NRXN3: variants seen among roughly 807,000 people sequenced by gnomAD.
The protein encoded by NRXN3 is neurexin 3.
Under a neutral mutation model 137.6 loss-of-function variants are expected in NRXN3, and 32 were observed. That is an observed-to-expected ratio of 0.23 (90% CI 0.18 to 0.31). The LOEUF is 0.31. Ranked by LOEUF, NRXN3 falls within the 10% of genes least tolerant of loss-of-function variation. The pLI, the probability that NRXN3 is intolerant of heterozygous loss-of-function variation, is 1.00. For missense variants in NRXN3, 1,574 were observed against 2,062.5 expected, an observed-to-expected ratio of 0.76 and a Z score of 4.59; for synonymous variants, 798 against 784.5, an observed-to-expected ratio of 1.02 and a Z score of -0.29.
At chr14:79,460,085 T>G (rs367794858) in intron 15 of NRXN3, among the ~76,000 whole-genome samples, 3 of 152,182 alleles carry the variant, frequency 2.0e-5, no homozygotes, top group East Asian at 1.9e-4. Context: ...GGTCATGATG[T>G]GTTTGTCAAA....
At chr14:79,756,946 T>A (rs1434144324) in intron 19 of NRXN3, among the ~76,000 whole-genome samples, 1 of 152,224 alleles carries the variant, frequency 6.6e-6, no homozygotes, top group Non-Finnish European at 1.5e-5. Context: ...TTTGTGCCTC[T>A]GCTGTATTCC....
chr14:79,338,198 T>G (rs973554522), intron 15 of NRXN3, among the ~76,000 whole-genome samples: 82 of 131,966 alleles, frequency 6.2e-4, no homozygotes, highest in East Asian at 4.2e-4. Flanking sequence ...GCAGCCGGGG[T>G]GTGTGTGTGT....
chr14:79,242,257 T>G (rs887939161), intron 15 of NRXN3, among the ~76,000 whole-genome samples: 3 of 152,038 alleles, frequency 2.0e-5, no homozygotes, highest in Non-Finnish European at 4.4e-5. Context: ...GATTCTATAC[T>G]CATGGAGAGG....
chr14:79,363,384 T>C (rs925006740), intron 15 of NRXN3, among the ~76,000 whole-genome samples: 2 of 152,196 alleles, frequency 1.3e-5, no homozygotes, highest in Non-Finnish European at 2.9e-5. Flanking sequence ...ACCAGTTCCA[T>C]TGATTTCAAC....
intron 9 of NRXN3, among the ~76,000 whole-genome samples, chr14:78,806,045 C>CT (rs202241378): frequency 0.034 from 2,824 of 83,398 alleles, 94 homozygotes; most frequent in African/African-American, 0.082. Context: ...ATAGACTTTG[C>CT]TTTTTTTTTT....
chr14:78,757,301 T>G (rs2098673124), intron 8 of NRXN3, among the ~76,000 whole-genome samples: 1 of 151,566 alleles, frequency 6.6e-6, no homozygotes, highest in Non-Finnish European at 1.5e-5. Context: ...TCCCAGCTAC[T>G]CAGGAGGCTG....
At chr14:78,347,489 T>C (rs2082909727) in intron 4 of NRXN3, among the ~76,000 whole-genome samples, 2 of 152,172 alleles carry the variant, frequency 1.3e-5, no homozygotes, top group African/African-American at 2.4e-5. Context: ...AATGTATACT[T>C]TCTAAGCTGT....
chr14:79,394,268 GATA>G (rs2094947384), intron 15 of NRXN3, among the ~76,000 whole-genome samples: 1 of 152,196 alleles, frequency 6.6e-6, no homozygotes, highest in South Asian at 2.1e-4. Flanking sequence ...TAACAATGAT[GATA>G]ATAATAACAG....
intron 15 of NRXN3, among the ~76,000 whole-genome samples, chr14:79,348,378 C>CTCT (rs535595782): frequency 2.9e-4 from 40 of 135,974 alleles, no homozygotes; most frequent in Non-Finnish European, 5.5e-4. Flanking sequence ...AATCTTCTCT[C>CTCT]TTTTTTTTTT....
chr14:79,291,800 A>G (rs1374370088), intron 15 of NRXN3, among the ~76,000 whole-genome samples: 2 of 151,794 alleles, frequency 1.3e-5, no homozygotes, highest in African/African-American at 2.4e-5. Context: ...GTGGGAAAAA[A>G]TTTCAAAGTG....
chr14:79,133,138 A>G (rs183664269), intron 15 of NRXN3, among the ~76,000 whole-genome samples: 89 of 152,366 alleles, frequency 5.8e-4, no homozygotes, highest in African/African-American at 1.8e-3. Flanking sequence ...AGTGTCTACT[A>G]TACTAACATT....
At chr14:78,739,686 G>C (rs1377955421) in intron 8 of NRXN3, among the ~76,000 whole-genome samples, 2 of 152,124 alleles carry the variant, frequency 1.3e-5, no homozygotes, top group Non-Finnish European at 2.9e-5. Context: ...TGGCCAGGCT[G>C]CTCTCGAACC....
intron 16 of NRXN3, among the ~76,000 whole-genome samples, chr14:79,512,875 T>C (rs1176537757): frequency 2.6e-5 from 4 of 152,224 alleles, no homozygotes; most frequent in African/African-American, 9.6e-5. Context: ...AACACCTATA[T>C]ACTTTTCCAA....
intron 15 of NRXN3, among the ~76,000 whole-genome samples, chr14:79,236,496 T>C (rs538315323): frequency 6.6e-6 from 1 of 152,272 alleles, no homozygotes; most frequent in South Asian, 2.1e-4. Context: ...ATGAGAGCTC[T>C]TCTTTCTATC....
At chr14:78,818,325 T>C (rs942914488) in intron 10 of NRXN3, among the ~76,000 whole-genome samples, 5 of 152,034 alleles carry the variant, frequency 3.3e-5, no homozygotes, top group Middle Eastern at 3.2e-3. Flanking sequence ...TGGTAAATAA[T>C]TGCTAAGTAA....
At chr14:78,533,940 A>C (rs1466624479) in intron 4 of NRXN3, among the ~76,000 whole-genome samples, 1 of 152,178 alleles carries the variant, frequency 6.6e-6, no homozygotes, top group African/African-American at 2.4e-5. Context: ...AAGGTTCTTG[A>C]CACACATGAG....
rs201677688 is a variant in NRXN3, at chr14:78,966,424, C to T, written c.2777+18C>T. Reference sequence around the variant, plus strand: ...GTCAAGGGGTAAGTAGAAGGGATCACGACTTATGTTGGACACCTTTAATCT... The same window carrying T: ...GTCAAGGGGTAAGTAGAAGGGATCATGACTTATGTTGGACACCTTTAATCT... On this transcript the variant is annotated intron_variant, in intron 12 of 20. Transcript: ENST00000335750. 377 of 1,599,862 alleles carry T rather than the reference C, an allele frequency of 2.4e-4. 6 individuals carry two copies. Among genetic ancestry groups the T allele is most frequent in the East Asian group, 1.7e-3 (78 of 44,640 alleles).
At chr14:78,499,464 CA>C (rs1340126957) in intron 4 of NRXN3, among the ~76,000 whole-genome samples, 1 of 152,200 alleles carries the variant, frequency 6.6e-6, no homozygotes, top group African/African-American at 2.4e-5. Flanking sequence ...AGTACTAGCT[CA>C]TAACTTTTTA....
intron 6 of NRXN3, among the ~76,000 whole-genome samples, chr14:78,663,635 G>A (rs1602086772): frequency 1.3e-5 from 2 of 152,120 alleles, no homozygotes; most frequent in South Asian, 4.1e-4. Context: ...ACCCAAATAA[G>A]GAGCAGCTAC....
Sources: allele counts gnomAD v4.1 joint callset (sites outside exome capture counted in the v4.1 genomes callset), GRCh38; gene constraint gnomAD v4.1.1; transcripts MANE v1.5; gene names NCBI Gene and HGNC (gene_info 2026-07-23, HGNC 2026-07-21).